TMEM65: variants seen among roughly 807,000 people sequenced by gnomAD.
TMEM65 encodes transmembrane protein 65.
In TMEM65, 22 loss-of-function variants were observed where a neutral mutation model predicts 25.4. That is an observed-to-expected ratio of 0.86 (90% CI 0.62 to 1.23). TMEM65 has a LOEUF of 1.23. Among genes scored for constraint, TMEM65 ranks in the 50% most tolerant of loss-of-function variants. The pLI is 0.00. For missense variants in TMEM65, 262 were observed against 308.2 expected, an observed-to-expected ratio of 0.85 and a Z score of 1.12; for synonymous variants, 132 against 126.2, an observed-to-expected ratio of 1.05 and a Z score of -0.31.
At chr8:124,355,903 A>C (rs996551407) in intron 1 of TMEM65, among the ~76,000 whole-genome samples, 2 of 152,208 alleles carry the variant, frequency 1.3e-5, no homozygotes, top group Non-Finnish European at 2.9e-5. Flanking sequence ...GTATGAAGCT[A>C]CTAGGGTATG....
At position 124,310,575 on chromosome 8, in the gene TMEM65, A is replaced by G. The variant is rs1435652651; in HGVS notation, c.*3385T>C. The G allele has an allele frequency of 6.6e-6, 1 of 152,134 alleles. No individual in the cohort carries two copies. Among genetic ancestry groups the G allele is most frequent in the African/African-American group, 2.4e-5 (1 of 41,410 alleles). The allele number at this position is 152,134 out of a possible 1,614,324, so 9.4% of individuals were successfully genotyped here. On this transcript the variant is annotated 3_prime_UTR_variant, in exon 7 of 7. Transcript: ENST00000297632. ...AGAGATGATAATGATAATAGCCCCAACTTAATGTTGTCATTAAGGTGATTA... is the reference window on the plus strand; with the variant it reads ...AGAGATGATAATGATAATAGCCCCAGCTTAATGTTGTCATTAAGGTGATTA...
intron 1 of TMEM65, among the ~76,000 whole-genome samples, chr8:124,353,080 T>A (rs1194460081): frequency 1.3e-5 from 2 of 151,616 alleles, no homozygotes; most frequent in East Asian, 1.9e-4. Context: ...TGAGCTGAGG[T>A]CGCACCACTG....
In TMEM65 at chr8:124,310,217, T is replaced by A. The variant is rs1814139464; in HGVS notation, c.*3743A>T. On this transcript the variant is annotated 3_prime_UTR_variant, in exon 7 of 7. Transcript: ENST00000297632. ...CCTATTACTACCCACCCCAAAAGAA[T>A]AAGCTTCATGAGGGTACAGATGTTC... The A allele has an allele frequency of 6.6e-6, 1 of 152,276 alleles. No homozygotes were observed. The highest frequency in any genetic ancestry group is 6.5e-5 in the Admixed American group (1 of 15,286). The allele number at this position is 152,276 out of a possible 1,614,324, so 9.4% of individuals were successfully genotyped here.
chr8:124,351,161 TA>T (rs1190258921), intron 1 of TMEM65: 1 of 934,108 alleles, frequency 1.1e-6, no homozygotes, highest in Non-Finnish European at 1.3e-6. Context: ...TGCAACAAAA[TA>T]AATAATATAT....
chr8:124,360,982 G>A (rs1814851369), intron 1 of TMEM65, among the ~76,000 whole-genome samples: 1 of 152,150 alleles, frequency 6.6e-6, no homozygotes, highest in South Asian at 2.1e-4. Context: ...CATTCATATG[G>A]CACAGAAAGG....
chr8:124,355,614 T>C (rs1814767921), intron 1 of TMEM65, among the ~76,000 whole-genome samples: 1 of 152,200 alleles, frequency 6.6e-6, no homozygotes, highest in African/African-American at 2.4e-5. Context: ...GAAGCAGGGG[T>C]CTAGTTTTCA....
At chr8:124,332,684 T>A (rs1490542911) in intron 1 of TMEM65, among the ~76,000 whole-genome samples, 1 of 151,812 alleles carries the variant, frequency 6.6e-6, no homozygotes, top group Non-Finnish European at 1.5e-5. Flanking sequence ...GAAAGTAAAA[T>A]CAAAACACAG....
chr8:124,315,504 G>A (rs2131192324), intron 6 of TMEM65, among the ~76,000 whole-genome samples: 1 of 151,938 alleles, frequency 6.6e-6, no homozygotes, highest in African/African-American at 2.4e-5. Context: ...TGTATTTTTA[G>A]TAGAGCCGGG....
At chr8:124,358,195 C>T (rs1413152381) in intron 1 of TMEM65, among the ~76,000 whole-genome samples, 1 of 152,138 alleles carries the variant, frequency 6.6e-6, no homozygotes, top group Non-Finnish European at 1.5e-5. Context: ...ATCTTCGCAT[C>T]AGTATATTAA....
chr8:124,331,741 G>T (rs936285490), intron 1 of TMEM65, among the ~76,000 whole-genome samples: 1 of 151,726 alleles, frequency 6.6e-6, no homozygotes, highest in Non-Finnish European at 1.5e-5. Context: ...CCCATAGAGT[G>T]GATCACTCTA....
chr8:124,350,179 A>G (rs909695766), intron 1 of TMEM65, among the ~76,000 whole-genome samples: 1 of 151,170 alleles, frequency 6.6e-6, no homozygotes, highest in Non-Finnish European at 1.5e-5. Flanking sequence ...CTATGCCCCT[A>G]TATTTCTCTA....
At chr8:124,321,167 G>A (rs1315063058) in intron 5 of TMEM65, among the ~76,000 whole-genome samples, 1 of 152,114 alleles carries the variant, frequency 6.6e-6, no homozygotes, top group Non-Finnish European at 1.5e-5. Flanking sequence ...CTAAAACAAA[G>A]AAACTTTGTT....
chr8:124,357,343 C>CA lies in TMEM65; in HGVS notation c.304+14510dup, dbSNP rs367674696. On this transcript the variant is annotated intron_variant, in intron 1 of 6. Coordinates refer to ENST00000297632, the MANE Select transcript of TMEM65 (RefSeq NM_194291.3). ...TACCCAGTAAAGCTGAAAATGAACT[C>CA]AAAGTCTGGAGAGCTTTCCTATAGG... Among the ~76,000 whole-genome samples the CA allele has an allele frequency of 2.5e-3, 378 of 152,204 alleles. 1 individual carries two copies. Among genetic ancestry groups the CA allele is most frequent in the African/African-American group, 7.8e-3 (325 of 41,542 alleles).
At position 124,372,007 on chromosome 8, in the gene TMEM65, G is replaced by C; in HGVS notation, c.151C>G (p.Pro51Ala). Residue 51 changes from proline to alanine, a missense_variant, in exon 1 of 7, where the codon CCC (proline) becomes GCC (alanine). Coordinates refer to ENST00000297632, the MANE Select transcript of TMEM65 (RefSeq NM_194291.3). ...LAPPGGLPGG[P>A]RRLGTHPKKE... ...TTGGGGTGCGTGCCCAGCCGCCTGG[G>C]GCCGCCCGGCAAGCCGCCGGGGGGC... The C allele has an allele frequency of 5.3e-6, 7 of 1,331,718 alleles. No homozygotes were observed. The highest frequency in any genetic ancestry group is 6.7e-6 in the Non-Finnish European group (7 of 1,037,792). The allele number at this position is 1,331,718 out of a possible 1,614,324, so 82.5% of individuals were successfully genotyped here.
intron 1 of TMEM65, among the ~76,000 whole-genome samples, chr8:124,334,487 T>C (rs1814478234): frequency 6.6e-6 from 1 of 151,964 alleles, no homozygotes; most frequent in Non-Finnish European, 1.5e-5. Flanking sequence ...TAGCTGGGGC[T>C]GGGCACGGTG....
chr8:124,362,662 C>CAAAAAAAAAGA (rs1814883642), intron 1 of TMEM65, among the ~76,000 whole-genome samples: 1 of 98,232 alleles, frequency 1.0e-5, no homozygotes, highest in African/African-American at 4.3e-5. Context: ...ACTCTTGTCT[C>CAAAAAAAAAGA]AAAAAAAAAA....
intron 1 of TMEM65, among the ~76,000 whole-genome samples, chr8:124,352,911 G>A (rs927024312): frequency 6.6e-6 from 1 of 152,132 alleles, no homozygotes; most frequent in Non-Finnish European, 1.5e-5. Flanking sequence ...CAGATCACTT[G>A]AGGTCAGGAG....
At chr8:124,363,646 G>C (rs1164236851) in intron 1 of TMEM65, among the ~76,000 whole-genome samples, 1 of 151,770 alleles carries the variant, frequency 6.6e-6, no homozygotes, top group African/African-American at 2.4e-5. Flanking sequence ...GACCATCCCA[G>C]CTAAAACGGT....
rs1233858265 is a variant in TMEM65, at chr8:124,312,754, C to T, written c.*1206G>A. The T allele has an allele frequency of 6.6e-6, 1 of 151,308 alleles. No homozygotes were observed. The highest frequency in any genetic ancestry group is 1.5e-5 in the Non-Finnish European group (1 of 67,688). 9.4% of individuals were successfully genotyped at this position (151,308 alleles called of 1,614,324 possible). A position where few individuals can be genotyped will look rare whatever the true frequency, so the allele number is the denominator to read the frequency against. On this transcript the variant is annotated 3_prime_UTR_variant, in exon 7 of 7. Coordinates refer to ENST00000297632, the MANE Select transcript of TMEM65 (RefSeq NM_194291.3). ...AACCTAAAATATGCTTTAAATACCA[C>T]AAAAGAAGAAAAAAGAAAAACAAAG...
Sources: allele counts gnomAD v4.1 joint callset (sites outside exome capture counted in the v4.1 genomes callset), GRCh38; gene constraint gnomAD v4.1.1; transcripts MANE v1.5; gene names NCBI Gene and HGNC (gene_info 2026-07-23, HGNC 2026-07-21).